Variants in BIN1 observed in about 807,000 individuals in gnomAD.
BIN1 encodes the protein bridging integrator 1, also known as myc box-dependent-interacting protein 1.
A neutral mutation model predicts 82.0 loss-of-function variants in BIN1; 53 were observed. The ratio of observed to expected loss-of-function variants is 0.65; its 90% confidence interval spans 0.52 to 0.81. The LOEUF (loss-of-function observed/expected upper bound fraction) is 0.81, where lower values mean the gene tolerates loss of function less well. BIN1 is among the 40% of genes least tolerant of loss of function. The probability of loss-of-function intolerance (pLI) is 0.00; values close to 1 mark genes in which losing one functional copy is unlikely to be tolerated. For synonymous variants in BIN1, 302 were observed against 328.0 expected, an observed-to-expected ratio of 0.92 and a Z score of 0.86; for missense variants, 642 against 784.4, an observed-to-expected ratio of 0.82 and a Z score of 2.17.
intron 2 of BIN1, among the ~76,000 whole-genome samples, chr2:127,073,902 A>C (rs1686250282): frequency 6.6e-6 from 1 of 152,104 alleles, no homozygotes; most frequent in Non-Finnish European, 1.5e-5. Context: ...GCAGGCCCCC[A>C]TGGGCTCTCA....
chr2:127,061,162 C>A (rs1684411485), intron 10 of BIN1, among the ~76,000 whole-genome samples: 1 of 152,018 alleles, frequency 6.6e-6, no homozygotes, highest in Non-Finnish European at 1.5e-5. Context: ...CCCTGCCCGA[C>A]CTTGAATTCA....
At position 127,091,792 on chromosome 2, in the gene BIN1, G is replaced by T. The variant is rs186346782; in HGVS notation, c.84+15068C>A. On this transcript the variant is annotated intron_variant, in intron 1 of 18. Transcript: ENST00000316724. ...TACACCTGTGGTCCCAGATACCCGG[G>T]AGGCTGAAGCAGGAGAATCGCTTGA... is the stretch of plus-strand genomic sequence containing the variant. 1.8e-3 allele frequency among the ~76,000 whole-genome samples: 272 copies of T among 152,208 alleles called. 5 individuals carry two copies. Among genetic ancestry groups the T allele is most frequent in the African/African-American group, 5.7e-3 (238 of 41,526 alleles).
chr2:127,062,328 G>A (rs1017984832), intron 9 of BIN1, 131 bp from the exon 10 acceptor site: 3 of 920,370 alleles, frequency 3.3e-6, no homozygotes, highest in African/African-American at 3.3e-5. Flanking sequence ...CCCCATCTGT[G>A]AGAGCAAGGA....
chr2:127,058,122 C>T (rs1683950735), intron 11 of BIN1, among the ~76,000 whole-genome samples: 1 of 152,160 alleles, frequency 6.6e-6, no homozygotes, highest in South Asian at 2.1e-4. Context: ...CAGCGTGGCA[C>T]CAGGATGGGG....
intron 1 of BIN1, among the ~76,000 whole-genome samples, chr2:127,099,005 C>A (rs962824663): frequency 2.6e-5 from 4 of 152,192 alleles, no homozygotes; most frequent in Non-Finnish European, 5.9e-5. Context: ...TGATGAGGAG[C>A]GATCCTGGGT....
chr2:127,050,574 G>A (rs1553450092), intron 17 of BIN1, 52 bp from the exon 18 acceptor site: 9 of 1,592,842 alleles, frequency 5.7e-6, no homozygotes, highest in Non-Finnish European at 6.9e-6. Flanking sequence ...CTCCAGCCCT[G>A]CACAGAGCAC....
intron 1 of BIN1, among the ~76,000 whole-genome samples, chr2:127,089,970 T>C (rs1179152826): frequency 7.5e-6 from 1 of 132,994 alleles, no homozygotes; most frequent in African/African-American, 2.9e-5. Flanking sequence ...CCCACCCTAG[T>C]CCCCAACGCC....
chr2:127,061,466 C>T (rs962545945), intron 10 of BIN1, among the ~76,000 whole-genome samples: 2 of 152,232 alleles, frequency 1.3e-5, no homozygotes, highest in African/African-American at 4.8e-5. Flanking sequence ...ACCTGTCACA[C>T]ACAGTCCCCC....
chr2:127,096,679 A>AT lies in BIN1; in HGVS notation c.84+10180dup, dbSNP rs202046755. 2.4e-3 allele frequency among the ~76,000 whole-genome samples: 360 copies of AT among 152,270 alleles called. 3 individuals carry two copies. Among genetic ancestry groups the AT allele is most frequent in the African/African-American group, 8.4e-3 (348 of 41,556 alleles). ...ACCTGCATCTGGCCCCTGACACATA[A>AT]TTAGACAGCTCATACCACTTCAGGC... On this transcript the variant is annotated intron_variant, in intron 1 of 18. Transcript: ENST00000316724.
At chr2:127,106,764 A>C in intron 1 of BIN1, 96 bp downstream of exon 1, 1 of 1,445,198 alleles carries the variant, frequency 6.9e-7, no homozygotes, top group Non-Finnish European at 9.3e-7. Flanking sequence ...GATCCTGGCG[A>C]AGGACCAGGC....
At chr2:127,070,677 T>C in intron 3 of BIN1, 30 bp from the exon 4 acceptor site, 1 of 1,613,734 alleles carries the variant, frequency 6.2e-7, no homozygotes. Context: ...TATGTGGGCC[T>C]CCCACTGATA....
intron 15 of BIN1, 44 bp downstream of exon 15, chr2:127,052,211 G>C: frequency 6.5e-7 from 1 of 1,534,668 alleles, no homozygotes; most frequent in Non-Finnish European, 8.8e-7. Flanking sequence ...TGCACCCCTA[G>C]AGACTGGGGA....
chr2:127,052,208 C>A (rs1292074657), intron 15 of BIN1, 47 bp downstream of exon 15: 4 of 1,536,960 alleles, frequency 2.6e-6, no homozygotes, highest in African/African-American at 2.7e-5. Flanking sequence ...TGCTGCACCC[C>A]TAGAGACTGG....
chr2:127,086,781 T>C (rs6709706), intron 1 of BIN1, among the ~76,000 whole-genome samples: 90,494 of 151,622 alleles, frequency 0.6, 27,133 homozygotes, highest in African/African-American at 0.64. Context: ...GCTAGGATTA[T>C]AGGCATGAGC....
intron 5 of BIN1, 58 bp downstream of exon 5, chr2:127,069,937 T>A (rs1236360790): frequency 2.6e-6 from 4 of 1,561,332 alleles, no homozygotes; most frequent in Non-Finnish European, 3.5e-6. Flanking sequence ...CTAGGCCCTG[T>A]CCTCTCTCCA....
intron 2 of BIN1, among the ~76,000 whole-genome samples, chr2:127,073,097 C>T (rs748971532): frequency 4.6e-5 from 7 of 152,248 alleles, no homozygotes; most frequent in Admixed American, 1.3e-4. Context: ...ACCAGGGCTC[C>T]TTGTGTTTCC....
rs941604592 is a variant in BIN1, at chr2:127,093,097, A to C, written c.84+13763T>G. ...CCACCCCCACGCTAGGGCTGTCCACAGAGAGAGGGGTCAGGGAGGGAGGGC... is the reference window on the plus strand; with the variant it reads ...CCACCCCCACGCTAGGGCTGTCCACCGAGAGAGGGGTCAGGGAGGGAGGGC... On this transcript the variant is annotated intron_variant, in intron 1 of 18. Coordinates refer to ENST00000316724, the MANE Select transcript of BIN1 (RefSeq NM_139343.3). The surrounding 1 kb of genome is among the most constrained non-coding windows in gnomAD (Gnocchi z 5.7). 6.6e-6 allele frequency among the ~76,000 whole-genome samples: 1 copy of C among 151,504 alleles called. No individual in the cohort carries two copies. Among genetic ancestry groups the C allele is most frequent in the African/African-American group, 2.4e-5 (1 of 40,934 alleles).
Position 127,107,149 on chromosome 2 carries a change from A to C in BIN1, c.-206T>G. The stretch of plus-strand genomic sequence containing the variant: ...GAGCTAGCCAGCGAGCGACGCGGGG[A>C]CAGAGGGAGGGAGAGGGGAGGGGCC... On this transcript the variant is annotated 5_prime_UTR_variant, in exon 1 of 19. Transcript: ENST00000316724. The surrounding 1 kb of genome is among the most constrained non-coding windows in gnomAD (Gnocchi z 5.9). The C allele has an allele frequency of 2.1e-6, 1 of 485,656 alleles. No homozygotes were observed. The highest frequency in any genetic ancestry group is 3.3e-6 in the Non-Finnish European group (1 of 303,336). The allele number at this position is 485,656 out of a possible 1,614,324, so 30.1% of individuals were successfully genotyped here. A position where few individuals can be genotyped will look rare whatever the true frequency, so the allele number is the denominator to read the frequency against.
intron 1 of BIN1, among the ~76,000 whole-genome samples, chr2:127,084,865 T>A (rs1347896987): frequency 6.6e-6 from 1 of 152,216 alleles, no homozygotes; most frequent in Non-Finnish European, 1.5e-5. Context: ...TGCCCCAGGC[T>A]GGTGACTGCA....
Sources: allele counts gnomAD v4.1 joint callset (sites outside exome capture counted in the v4.1 genomes callset), GRCh38; gene constraint gnomAD v4.1.1; non-coding constraint Gnocchi (gnomAD v3.1); transcripts MANE v1.5; gene names NCBI Gene and HGNC (gene_info 2026-07-23, HGNC 2026-07-21).